GPRASP1: variants seen among roughly 807,000 people sequenced by gnomAD.
GPRASP1 encodes G protein-coupled receptor-associated sorting protein 1.
In GPRASP1, 28 loss-of-function variants were observed where a neutral mutation model predicts 68.4. The ratio of observed to expected loss-of-function variants is 0.41; its 90% CI spans 0.30 to 0.56. The LOEUF is 0.56. GPRASP1 is among the 20% of genes least tolerant of loss of function. The probability of loss-of-function intolerance (pLI) is 0.29; values close to 1 mark genes in which losing one functional copy is unlikely to be tolerated. For synonymous variants in GPRASP1, 304 were observed against 358.2 expected, an observed-to-expected ratio of 0.85 and a Z score of 1.71; for missense variants, 913 against 1,031.5, an observed-to-expected ratio of 0.89 and a Z score of 1.57.
rs774098705 is a variant in GPRASP1, at chrX:102,656,591, C to A, written c.2678C>A (p.Ala893Glu). ...GCCAGTATACAGGCTGGATCTCAGG[C>A]AGTAGAGGAAATGGAGTCAGAGACT... ...EEASIQAGSQ[A>E]VEEMESETEE... The change falls in exon 6 of 6, where the codon GCA (alanine) becomes GAA (glutamate). Residue 893 changes from alanine (A) to glutamate (E), a missense_variant. Ala to Glu is a moderately radical substitution (Grantham distance 107). Transcript: ENST00000537097. 3 of 1,207,880 alleles carry A rather than the reference C, an allele frequency of 2.5e-6. No individual in the cohort carries two copies. Among genetic ancestry groups the A allele is most frequent in the Admixed American group, 2.2e-5 (1 of 45,584 alleles).
In GPRASP1 at chrX:102,657,905, C is replaced by A. The variant is rs201313120; in HGVS notation, c.3992C>A (p.Thr1331Lys). ...EFIGLFNREE[T>K]NDNIQIVLAI... ...ATAGGCCTCTTTAACAGGGAAGAGA[C>A]AAATGACAATATTCAAATTGTTCTT... Residue 1331 changes from threonine (T) to lysine (K), a missense_variant, in exon 6 of 6, where the codon ACA (threonine) becomes AAA (lysine). By Grantham distance (78) the Thr-to-Lys change is moderately conservative. Coordinates refer to ENST00000537097, the MANE Select transcript of GPRASP1 (RefSeq NM_001184727.2). The A allele has an allele frequency of 2.4e-4, 291 of 1,191,156 alleles. 1 individual carries two copies. The highest frequency in any genetic ancestry group is 3.2e-4 in the Non-Finnish European group (283 of 878,850).
At position 102,657,869 on chromosome X, in the gene GPRASP1, T is replaced by G. The variant is rs1419155161; in HGVS notation, c.3956T>G (p.Val1319Gly). ...AAAGAACTACTCAGTGCTGAAGCAG[T>G]GTCAGAATTTATAGGCCTCTTTAAC... Reference protein sequence around the residue: ...MTKELLSAEAVSEFIGLFNRE... With the variant: ...MTKELLSAEAGSEFIGLFNRE... Residue 1319 changes from valine (V) to glycine (G), a missense_variant, in exon 6 of 6, where the codon GTG becomes GGG. Physicochemically the swap from Val to Gly is moderately radical, Grantham distance 109. Transcript: ENST00000537097. 8.5e-7 allele frequency: 1 copy of G among 1,177,916 alleles called. No individual in the cohort carries two copies. The highest frequency in any genetic ancestry group is 1.2e-6 in the Non-Finnish European group (1 of 865,730).
At position 102,655,694 on chromosome X, in the gene GPRASP1, G is replaced by A. The variant is rs145352999; in HGVS notation, c.1781G>A (p.Cys594Tyr). The A allele has an allele frequency of 1.3e-3, 1,583 of 1,208,911 alleles. 1 individual carries two copies. The highest frequency in any genetic ancestry group is 1.6e-3 in the Non-Finnish European group (1,463 of 894,554). Residue 594 changes from cysteine to tyrosine, a missense_variant, in exon 6 of 6, where the codon TGT becomes TAT. By Grantham distance (194) the Cys-to-Tyr change is radical (BLOSUM62 -2). Coordinates refer to ENST00000537097, the MANE Select transcript of GPRASP1 (RefSeq NM_001184727.2). Reference sequence around the variant, plus strand: ...GCTGAAAACCAGACCTATATGGATTGTAGGGCTGAAACTAGCTGTGACACC... The same window carrying A: ...GCTGAAAACCAGACCTATATGGATTATAGGGCTGAAACTAGCTGTGACACC... ...FWAENQTYMD[C>Y]RAETSCDTMQ...
At position 102,657,931 on chromosome X, in the gene GPRASP1, G is replaced by T. The variant is rs1196877639; in HGVS notation, c.4018G>T (p.Ala1340Ser). The part of the protein sequence containing the change: ...ETNDNIQIVL[A>S]IFENIGNNIK... ...AAATGACAATATTCAAATTGTTCTT[G>T]CAATATTTGAGAATATTGGCAACAA... The change falls in exon 6 of 6, where the codon GCA (alanine) becomes TCA (serine). Residue 1340 changes from alanine to serine, a missense_variant. Ala to Ser is a moderately conservative substitution (Grantham distance 99). Transcript: ENST00000537097. 8.4e-7 allele frequency: 1 copy of T among 1,192,735 alleles called. No individual in the cohort carries two copies. The highest frequency in any genetic ancestry group is 1.1e-6 in the Non-Finnish European group (1 of 880,300).
chrX:102,657,201 A>T lies in GPRASP1; in HGVS notation c.3288A>T (p.Glu1096Asp). Residue 1096 changes from glutamate (E) to aspartate (D), a missense_variant, in exon 6 of 6, where the codon GAA becomes GAT. By Grantham distance (45) the Glu-to-Asp change is conservative. Coordinates refer to ENST00000537097, the MANE Select transcript of GPRASP1 (RefSeq NM_001184727.2). ...ACATGGTACTTAGCCCAGAAGGGGA[A>T]GATCAGGAATCTTTGCTTCAGCCTG... ...PRNMVLSPEG[E>D]DQESLLQPDQ... 8.3e-7 allele frequency: 1 copy of T among 1,211,238 alleles called. No homozygotes were observed. Among genetic ancestry groups the T allele is most frequent in the Non-Finnish European group, 1.1e-6 (1 of 894,907 alleles).
At position 102,654,446 on chromosome X, in the gene GPRASP1, C is replaced by G; in HGVS notation, c.533C>G (p.Pro178Arg). 1.7e-6 allele frequency: 2 copies of G among 1,211,616 alleles called. No individual in the cohort carries two copies. Among genetic ancestry groups the G allele is most frequent in the Non-Finnish European group, 2.2e-6 (2 of 895,351 alleles). The change falls in exon 6 of 6, where the codon CCT becomes CGT. Residue 178 changes from proline (P) to arginine (R), a missense_variant. Pro to Arg is a moderately radical substitution (Grantham distance 103). Coordinates refer to ENST00000537097, the MANE Select transcript of GPRASP1 (RefSeq NM_001184727.2). Reference protein sequence around the residue: ...EETNMGSWCCPRPTSKQEASP... With the variant: ...EETNMGSWCCRRPTSKQEASP... ...ACCAATATGGGGTCCTGGTGCTGTC[C>G]TAGGCCTACATCCAAACAAGAAGCC...
In GPRASP1 at chrX:102,657,399, A is replaced by C. The variant is rs988724729; in HGVS notation, c.3486A>C (p.Leu1162Phe). 8.3e-7 allele frequency: 1 copy of C among 1,209,282 alleles called. No individual in the cohort carries two copies. Among genetic ancestry groups the C allele is most frequent in the Non-Finnish European group, 1.1e-6 (1 of 894,522 alleles). ...AAGAGTTTGAAGAACTCCTTTTATT[A>C]ATGGAAAAAATTCGGGATCCTTTTA... ...GSEEFEELLL[L>F]MEKIRDPFIH... is the part of the protein sequence containing the mutation. Residue 1162 changes from leucine (L) to phenylalanine (F), a missense_variant, in exon 6 of 6, where the codon TTA becomes TTC. By Grantham distance (22) the Leu-to-Phe change is conservative. Coordinates refer to ENST00000537097, the MANE Select transcript of GPRASP1 (RefSeq NM_001184727.2).
In GPRASP1 at chrX:102,656,861, C is replaced by A; in HGVS notation, c.2948C>A (p.Thr983Asn). The A allele has an allele frequency of 8.3e-7, 1 of 1,210,318 alleles. No homozygotes were observed. The change falls in exon 6 of 6, where the codon ACT (threonine) becomes AAT (asparagine). Residue 983 changes from threonine to asparagine, a missense_variant. By Grantham distance (65) the Thr-to-Asn change is moderately conservative. Coordinates refer to ENST00000537097, the MANE Select transcript of GPRASP1 (RefSeq NM_001184727.2). ...FEAEDEVDNR[T>N]DNGSNCGSRT... ...GCTGAAGATGAGGTAGATAACAGGA[C>A]TGACAATGGAAGCAACTGTGGGTCC...
In GPRASP1 at chrX:102,655,389, T is replaced by G. The variant is rs765402781; in HGVS notation, c.1476T>G (p.Asp492Glu). 5 of 1,209,836 alleles carry G rather than the reference T, an allele frequency of 4.1e-6. No individual in the cohort carries two copies. Among genetic ancestry groups the G allele is most frequent in the Non-Finnish European group, 5.6e-6 (5 of 895,155 alleles). Residue 492 changes from aspartate (D) to glutamate (E), a missense_variant, in exon 6 of 6, where the codon GAT becomes GAG. Transcript: ENST00000537097. ...CCTCTGAATCTATACTAGCAGCTGA[T>G]GATGAACAGGTCATTATTGGTTCCT... is the stretch of plus-strand genomic sequence containing the variant. ...EATSESILAADDEQVIIGSWF... is the reference protein window; with the variant it reads ...EATSESILAAEDEQVIIGSWF...
In GPRASP1 at chrX:102,657,016, G is replaced by GAGCCT; in HGVS notation, c.3104_3108dup (p.Asp1037SerfsTer31). ...CAGGTCCACGTGTTCAGTTGAACAG[G>GAGCCT]AGCCTGATCCTTCACGCAGGCCTCA... On this transcript the variant is annotated frameshift_variant, in exon 6 of 6. Coordinates refer to ENST00000537097, the MANE Select transcript of GPRASP1 (RefSeq NM_001184727.2). LOFTEE classifies it high-confidence loss of function. 8.3e-7 allele frequency: 1 copy of GAGCCT among 1,210,784 alleles called. No individual in the cohort carries two copies. Among genetic ancestry groups the GAGCCT allele is most frequent in the Non-Finnish European group, 1.1e-6 (1 of 894,525 alleles).
In GPRASP1 at chrX:102,657,636, T is replaced by C. The variant is rs778868203; in HGVS notation, c.3723T>C (p.Cys1241=). Residue 1241 remains cysteine, a synonymous_variant, in exon 6 of 6, where the codon TGT becomes TGC. Transcript: ENST00000537097. The part of the protein sequence containing the change: ...NIIQTYICKV[C]EETLAYSVDS... ...TTCAGACATACATATGTAAAGTGTG[T>C]GAGGAAACCCTTGCTTATAGCGTGG... 1 of 1,211,189 alleles carries C rather than the reference T, an allele frequency of 8.3e-7. No individual in the cohort carries two copies. The highest frequency in any genetic ancestry group is 2.2e-5 in the Admixed American group (1 of 46,111).
Position 102,651,710 on chromosome X carries a change from T to G in GPRASP1, c.-595T>G, listed in dbSNP as rs1169132634. 8.9e-6 allele frequency: 1 copy of G among 111,797 alleles called. No homozygotes were observed. The highest frequency in any genetic ancestry group is 3.3e-5 in the African/African-American group (1 of 30,707). 9.2% of individuals were successfully genotyped at this position (111,797 alleles called of 1,213,427 possible). A position where few individuals can be genotyped will look rare whatever the true frequency, so the allele number is the denominator to read the frequency against. On this transcript the variant is annotated 5_prime_UTR_variant, in exon 2 of 6. Transcript: ENST00000537097. ...AGCCTGGCAACGAGGAGACGATCCG[T>G]TCGGAGCCGGGCGCTAGAGAGAGGT... is the stretch of plus-strand genomic sequence containing the variant.
rs1467217960 is a variant in GPRASP1 at position 102,656,471 on chromosome X, G to A, written c.2558G>A (p.Ser853Asn). 2.1e-5 allele frequency: 25 copies of A among 1,208,422 alleles called. No homozygotes were observed. The highest frequency in any genetic ancestry group is 2.8e-5 in the Non-Finnish European group (25 of 894,600). Residue 853 changes from serine to asparagine, a missense_variant, in exon 6 of 6, where the codon AGT becomes AAT. Coordinates refer to ENST00000537097, the MANE Select transcript of GPRASP1 (RefSeq NM_001184727.2). ...TCCTGGTTCTGGGAAGAAGAGGCCA[G>A]TCCGGAGGCAGTGGCAGGAGTCGGC... ...IGSWFWEEEA[S>N]PEAVAGVGFE...
Position 102,657,059 on chromosome X carries a change from C to T in GPRASP1, c.3146C>T (p.Thr1049Ile). Residue 1049 changes from threonine (T) to isoleucine (I), a missense_variant, in exon 6 of 6, where the codon ACT becomes ATT. Transcript: ENST00000537097. ...AGGCCTCAGAGTTGGGAGGAGGTCA[C>T]TGTTCAGTTCAAGCCTGGTCCATGG... The part of the protein sequence containing the change: ...SRRPQSWEEV[T>I]VQFKPGPWGR... The T allele has an allele frequency of 8.3e-7, 1 of 1,211,264 alleles. No homozygotes were observed. The highest frequency in any genetic ancestry group is 1.1e-6 in the Non-Finnish European group (1 of 894,994).
chrX:102,656,339 G>C lies in GPRASP1; in HGVS notation c.2426G>C (p.Gly809Ala), dbSNP rs2081411854. Residue 809 changes from glycine (G) to alanine (A), a missense_variant, in exon 6 of 6, where the codon GGT (glycine) becomes GCT (alanine). Coordinates refer to ENST00000537097, the MANE Select transcript of GPRASP1 (RefSeq NM_001184727.2). ...EEDRLAAEKE[G>A]IVGSWFGARE... ...GACAGGCTAGCAGCTGAGAAAGAAG[G>C]TATTGTTGGGTCCTGGTTTGGGGCC... The C allele has an allele frequency of 6.7e-6, 8 of 1,194,452 alleles. No homozygotes were observed. Among genetic ancestry groups the C allele is most frequent in the Non-Finnish European group, 9.0e-6 (8 of 887,983 alleles).
Position 102,658,392 on chromosome X carries a change from G to GTATA in GPRASP1, c.*303_*306dup, listed in dbSNP as rs757912139. On this transcript the variant is annotated 3_prime_UTR_variant, in exon 6 of 6. Transcript: ENST00000537097. ...CCACCCTTCTGATTGTCGTTCTACT[G>GTATA]TATATATATATATATTTGAGTGTTG... 6.1e-5 allele frequency: 11 copies of GTATA among 179,819 alleles called. No individual in the cohort carries two copies. The highest frequency in any genetic ancestry group is 2.5e-4 in the African/African-American group (8 of 32,043). The allele number at this position is 179,819 out of a possible 1,213,427, so 14.8% of individuals were successfully genotyped here. A position where few individuals can be genotyped will look rare whatever the true frequency, so the allele number is the denominator to read the frequency against.
In GPRASP1 at chrX:102,654,973, G is replaced by T; in HGVS notation, c.1060G>T (p.Glu354Ter). Residue 354 changes from glutamate to a stop codon, truncating the protein, a stop_gained, in exon 6 of 6, where the codon GAG becomes TAG. Coordinates refer to ENST00000537097, the MANE Select transcript of GPRASP1 (RefSeq NM_001184727.2). LOFTEE classifies it high-confidence loss of function. Reference sequence around the variant, plus strand: ...TGGGTCTATAGATGTAATTAAAAAAGAGTCCTGTTTCTGGCCTGAAGAAAA... The same window carrying T: ...TGGGTCTATAGATGTAATTAAAAAATAGTCCTGTTTCTGGCCTGAAGAAAA... ...MPGSIDVIKKESCFWPEENAN... is the reference protein window; with the variant it reads ...MPGSIDVIKK 8.3e-7 allele frequency: 1 copy of T among 1,210,779 alleles called. No individual in the cohort carries two copies. The highest frequency in any genetic ancestry group is 1.1e-6 in the Non-Finnish European group (1 of 894,531).
Position 102,657,224 on chromosome X carries a change from C to T in GPRASP1, c.3311C>T (p.Pro1104Leu). 2.5e-6 allele frequency: 3 copies of T among 1,210,794 alleles called. No homozygotes were observed. The highest frequency in any genetic ancestry group is 3.4e-6 in the Non-Finnish European group (3 of 894,560). ...GAAGATCAGGAATCTTTGCTTCAGCCTGATCAGCCTAGTCCTGAGTTCCCA... is the reference window on the plus strand; with the variant it reads ...GAAGATCAGGAATCTTTGCTTCAGCTTGATCAGCCTAGTCCTGAGTTCCCA... Reference protein sequence around the residue: ...EGEDQESLLQPDQPSPEFPFQ... With the variant: ...EGEDQESLLQLDQPSPEFPFQ... Residue 1104 changes from proline to leucine, a missense_variant, in exon 6 of 6, where the codon CCT becomes CTT. By Grantham distance (98) the Pro-to-Leu change is moderately conservative (BLOSUM62 -3). Transcript: ENST00000537097.
rs2081400628 is a variant in GPRASP1, at chrX:102,655,489, G to A, written c.1576G>A (p.Asp526Asn). The change falls in exon 6 of 6, where the codon GAT (aspartate) becomes AAT (asparagine). Residue 526 changes from aspartate to asparagine, a missense_variant. Physicochemically the swap from Asp to Asn is conservative, Grantham distance 23. Transcript: ENST00000537097. ...TIFGSWFWVI[D>N]AASVESGVGV... The stretch of plus-strand genomic sequence containing the variant: ...TTTTGGGTCGTGGTTCTGGGTCATT[G>A]ATGCGGCCAGTGTGGAATCTGGTGT... 8.3e-7 allele frequency: 1 copy of A among 1,211,392 alleles called. No homozygotes were observed. Among genetic ancestry groups the A allele is most frequent in the African/African-American group, 1.7e-5 (1 of 57,602 alleles).
Sources: allele counts gnomAD v4.1 joint callset, GRCh38; gene constraint gnomAD v4.1.1; transcripts MANE v1.5; gene names NCBI Gene and HGNC (gene_info 2026-07-23, HGNC 2026-07-21).